SPATA16: variants seen among roughly 807,000 people sequenced by gnomAD.
SPATA16 encodes spermatogenesis-associated protein 16.
In SPATA16, 36 loss-of-function variants were observed where a neutral mutation model predicts 63.3. That is an observed-to-expected ratio of 0.57 (90% CI 0.44 to 0.75). SPATA16 has a LOEUF of 0.75. Ranked by LOEUF, SPATA16 falls within the 30% of genes least tolerant of loss-of-function variation. The probability of loss-of-function intolerance (pLI) is 0.00; values close to 1 mark genes in which losing one functional copy is unlikely to be tolerated. For missense variants in SPATA16, 646 were observed against 679.3 expected, an observed-to-expected ratio of 0.95 and a Z score of 0.54; for synonymous variants, 203 against 216.7, an observed-to-expected ratio of 0.94 and a Z score of 0.56.
chr3:173,074,588 C>T (rs953379176), intron 2 of SPATA16, among the ~76,000 whole-genome samples: 4 of 152,256 alleles, frequency 2.6e-5, no homozygotes, highest in East Asian at 3.9e-4. Context: ...TGTCCCCAAG[C>T]CACATGGAAC....
In SPATA16 at chr3:172,946,057, C is replaced by T. The variant is rs897781602; in HGVS notation, c.1081+10620G>A. Among the ~76,000 whole-genome samples the T allele has an allele frequency of 3.9e-5, 6 of 152,162 alleles. No individual in the cohort carries two copies. The South Asian group carries it at 1.0e-3, about 26-fold the overall frequency. On this transcript the variant is annotated intron_variant, in intron 6 of 10. Coordinates refer to ENST00000351008, the MANE Select transcript of SPATA16 (RefSeq NM_031955.6). ...TGCAACTTGGATACCAGCCCAGCCA[C>T]AGGATAGGGCACTATTCTCTCAGAC... is the stretch of plus-strand genomic sequence containing the variant.
In SPATA16 at chr3:173,019,482, A is replaced by C; in HGVS notation, c.848+4T>G. 6.2e-7 allele frequency: 1 copy of C among 1,613,278 alleles called. No homozygotes were observed. The highest frequency in any genetic ancestry group is 1.1e-5 in the South Asian group (1 of 91,068). On this transcript the variant is annotated splice_donor_region_variant and intron_variant, in intron 4 of 10. Transcript: ENST00000351008. ...AATCCTCACAAAAGTTAAAACAAAC[A>C]TACCGGGCAGCCTCTGAATACCTCT... is the stretch of plus-strand genomic sequence containing the variant.
chr3:172,996,676 A>G (rs954639628), intron 4 of SPATA16, among the ~76,000 whole-genome samples: 1 of 152,126 alleles, frequency 6.6e-6, no homozygotes, highest in Non-Finnish European at 1.5e-5. Context: ...TACAATTTAC[A>G]TTATAGTTCA....
intron 2 of SPATA16, among the ~76,000 whole-genome samples, chr3:173,094,553 AT>A (rs545580502): frequency 1.3e-5 from 2 of 152,230 alleles, no homozygotes; most frequent in South Asian, 4.1e-4. Context: ...GTCAAAAGAT[AT>A]TTTAAAGGTT....
chr3:173,059,274 CT>C (rs574686458), intron 2 of SPATA16, among the ~76,000 whole-genome samples: 12 of 141,262 alleles, frequency 8.5e-5, no homozygotes, highest in South Asian at 4.5e-4. Context: ...TTTATCTTGG[CT>C]TTTTTTTTTC....
chr3:172,945,140 A>G (rs1432215516), intron 6 of SPATA16, among the ~76,000 whole-genome samples: 1 of 152,208 alleles, frequency 6.6e-6, no homozygotes, highest in East Asian at 1.9e-4. Flanking sequence ...TAAGATGGTA[A>G]TTATGTAGGT....
At chr3:173,054,575 G>A (rs1160157797) in intron 2 of SPATA16, among the ~76,000 whole-genome samples, 2 of 152,042 alleles carry the variant, frequency 1.3e-5, no homozygotes, top group African/African-American at 2.4e-5. Context: ...ATAAATGGGA[G>A]TCGAACACTG....
chr3:173,053,659 A>G (rs772572610), intron 2 of SPATA16, among the ~76,000 whole-genome samples: 1 of 152,108 alleles, frequency 6.6e-6, no homozygotes, highest in African/African-American at 2.4e-5. Context: ...CCAGATTAAT[A>G]TTGCTGATAG....
At chr3:173,027,665 T>C (rs907767972) in intron 3 of SPATA16, among the ~76,000 whole-genome samples, 1 of 151,812 alleles carries the variant, frequency 6.6e-6, no homozygotes, top group Admixed American at 6.6e-5. Context: ...TTAGAGAGTG[T>C]TTTCTGCTTC....
At chr3:173,030,095 TATCTATCTACCC>T (rs1196833637) in intron 3 of SPATA16, among the ~76,000 whole-genome samples, 53 of 146,834 alleles carry the variant, frequency 3.6e-4, no homozygotes, top group Middle Eastern at 6.9e-3. Flanking sequence ...TCTATCTATC[TATCTATCTACCC>T]ACCCACCTAC....
chr3:173,017,090 C>T lies in SPATA16; in HGVS notation c.848+2396G>A, dbSNP rs146274854. ...GAAATCTAGCTGCTAAGATACACTA[C>T]GATATTTATGTTCACAGTTCATAGC... On this transcript the variant is annotated intron_variant, in intron 4 of 10. Coordinates refer to ENST00000351008, the MANE Select transcript of SPATA16 (RefSeq NM_031955.6). Among the ~76,000 whole-genome samples the T allele has an allele frequency of 1.5e-3, 226 of 151,852 alleles. 1 individual carries two copies. The highest frequency in any genetic ancestry group is 5.2e-3 in the African/African-American group (214 of 41,404).
chr3:172,908,458 A>G (rs998157099), intron 10 of SPATA16, among the ~76,000 whole-genome samples: 1 of 152,346 alleles, frequency 6.6e-6, no homozygotes, highest in African/African-American at 2.4e-5. Context: ...TGTAAAGAAT[A>G]TATTTCCATT....
At chr3:172,987,201 C>T (rs965583337) in intron 4 of SPATA16, among the ~76,000 whole-genome samples, 1 of 152,212 alleles carries the variant, frequency 6.6e-6, no homozygotes, top group Non-Finnish European at 1.5e-5. Context: ...ATAATGGGCT[C>T]GGCCTGAAGC....
In SPATA16 at chr3:173,000,593, GA is replaced by G. The variant is rs1349953184; in HGVS notation, c.848+18892del. 2.4e-4 allele frequency among the ~76,000 whole-genome samples: 36 copies of G among 152,208 alleles called. 1 individual carries two copies. The highest frequency in any genetic ancestry group is 7.7e-4 in the African/African-American group (32 of 41,536). On this transcript the variant is annotated intron_variant, in intron 4 of 10. Coordinates refer to ENST00000351008, the MANE Select transcript of SPATA16 (RefSeq NM_031955.6). ...GTTTGGTGTCTGACACTAATTTAAG[GA>G]AATTCTCAGTTACTTCAAATATTGC...
At chr3:173,045,818 C>T (rs1735944563) in intron 3 of SPATA16, among the ~76,000 whole-genome samples, 2 of 151,864 alleles carry the variant, frequency 1.3e-5, no homozygotes, top group African/African-American at 4.8e-5. Flanking sequence ...ATAACTGTCT[C>T]TCCACTGCCT....
At chr3:172,908,967 A>G (rs1214158611) in intron 10 of SPATA16, among the ~76,000 whole-genome samples, 1 of 152,190 alleles carries the variant, frequency 6.6e-6, no homozygotes, top group Non-Finnish European at 1.5e-5. Flanking sequence ...ACATTAACCA[A>G]ATTAAAAGCC....
At chr3:173,019,796 T>C (rs1735279047) in intron 3 of SPATA16, among the ~76,000 whole-genome samples, 2 of 152,170 alleles carry the variant, frequency 1.3e-5, no homozygotes, top group Admixed American at 1.3e-4. Flanking sequence ...AGAAATTTTA[T>C]TTATGGGACT....
At chr3:173,014,137 G>A (rs1162682269) in intron 4 of SPATA16, among the ~76,000 whole-genome samples, 1 of 152,176 alleles carries the variant, frequency 6.6e-6, no homozygotes, top group Non-Finnish European at 1.5e-5. Flanking sequence ...ACACTTGTAT[G>A]TTCATTATAG....
chr3:172,978,161 C>CTCTATATA (rs779050166), intron 4 of SPATA16, among the ~76,000 whole-genome samples: 1 of 147,230 alleles, frequency 6.8e-6, no homozygotes, highest in African/African-American at 2.5e-5. Context: ...CTCTCTCTCT[C>CTCTATATA]TATATATATA....
Sources: gnomAD v4.1 joint callset for allele counts (sites outside exome capture counted in the v4.1 genomes callset) on GRCh38, gnomAD v4.1.1 for gene constraint, MANE v1.5 for transcripts, NCBI Gene and HGNC (gene_info 2026-07-23, HGNC 2026-07-21) for gene names.